Variants in SGCZ observed in about 807,000 individuals in gnomAD.
SGCZ encodes the protein zeta-sarcoglycan.
Under a neutral mutation model 41.3 loss-of-function variants are expected in SGCZ, and 40 were observed. The observed-to-expected ratio is 0.97, with a 90% CI of 0.75 to 1.26. The LOEUF (loss-of-function observed/expected upper bound fraction) is 1.26. Ranked by LOEUF, SGCZ falls within the 50% of genes most tolerant of loss-of-function variation. The pLI is 0.00. For missense variants in SGCZ, 552 were observed against 369.8 expected (o/e 1.49, Z -4.04); for synonymous variants, 206 against 137.5 (o/e 1.50, Z -3.49).
intron 3 of SGCZ, among the ~76,000 whole-genome samples, chr8:14,306,538 A>C (rs1198971761): frequency 1.3e-5 from 2 of 152,156 alleles, no homozygotes; most frequent in Non-Finnish European, 2.9e-5. Context: ...TTTTGATTCT[A>C]CTTCCCTGGT....
intron 1 of SGCZ, among the ~76,000 whole-genome samples, chr8:14,744,681 C>T (rs991830032): frequency 1.3e-5 from 2 of 152,090 alleles, no homozygotes; most frequent in African/African-American, 2.4e-5. Flanking sequence ...TTAATAGTAA[C>T]ACTTGCAGAA....
intron 2 of SGCZ, among the ~76,000 whole-genome samples, chr8:14,457,815 G>A (rs1800791570): frequency 6.6e-6 from 1 of 152,100 alleles, no homozygotes; most frequent in Non-Finnish European, 1.5e-5. Context: ...TTTTTACCCT[G>A]CCCCTTCTGC....
chr8:14,735,746 C>T (rs1386484237), intron 1 of SGCZ, among the ~76,000 whole-genome samples: 1 of 152,094 alleles, frequency 6.6e-6, no homozygotes, highest in African/African-American at 2.4e-5. Flanking sequence ...AGAATCCTGA[C>T]TGATACATAC....
At chr8:15,115,781 C>T (rs566267105) in intron 1 of SGCZ, among the ~76,000 whole-genome samples, 8 of 152,242 alleles carry the variant, frequency 5.3e-5, no homozygotes, top group African/African-American at 1.9e-4. Context: ...AACACATGTA[C>T]AATGTGTAAG....
At chr8:14,933,543 T>A (rs1370083842) in intron 1 of SGCZ, among the ~76,000 whole-genome samples, 1 of 149,380 alleles carries the variant, frequency 6.7e-6, no homozygotes, top group East Asian at 2.0e-4. Context: ...ACCATTCTCC[T>A]GCCTCAGCCT....
intron 2 of SGCZ, among the ~76,000 whole-genome samples, chr8:14,448,733 T>C (rs1299460126): frequency 6.6e-6 from 1 of 152,148 alleles, no homozygotes; most frequent in African/African-American, 2.4e-5. Flanking sequence ...TCAGTATAAC[T>C]CCATGATCGC....
intron 1 of SGCZ, among the ~76,000 whole-genome samples, chr8:14,904,709 C>A (rs1438226567): frequency 6.6e-6 from 1 of 151,984 alleles, no homozygotes; most frequent in Admixed American, 6.6e-5. Context: ...AAAATATTCT[C>A]TATCTATATT....
chr8:14,825,246 T>A (rs550954870), intron 1 of SGCZ, among the ~76,000 whole-genome samples: 7 of 152,142 alleles, frequency 4.6e-5, no homozygotes, highest in African/African-American at 4.8e-5. Context: ...ATCTGTGAAA[T>A]CCTTAGCAAG....
At chr8:14,631,364 T>C (rs1256504140) in intron 1 of SGCZ, among the ~76,000 whole-genome samples, 1 of 152,092 alleles carries the variant, frequency 6.6e-6, no homozygotes, top group Non-Finnish European at 1.5e-5. Context: ...AGTTGACTTG[T>C]ACTTACTCAC....
intron 2 of SGCZ, among the ~76,000 whole-genome samples, chr8:14,521,003 G>C (rs75112881): frequency 7.0e-4 from 107 of 152,108 alleles, no homozygotes; most frequent in Non-Finnish European, 1.1e-3. Flanking sequence ...TTTTTGTTTT[G>C]AAATTATTTT....
chr8:14,679,241 A>T (rs1808366947), intron 1 of SGCZ, among the ~76,000 whole-genome samples: 1 of 152,084 alleles, frequency 6.6e-6, no homozygotes, highest in Admixed American at 6.6e-5. Flanking sequence ...CATAAATTGT[A>T]TTATTATTTT....
intron 1 of SGCZ, among the ~76,000 whole-genome samples, chr8:14,753,821 A>T (rs1799571951): frequency 6.6e-6 from 1 of 152,198 alleles, no homozygotes; most frequent in African/African-American, 2.4e-5. Flanking sequence ...GGAGAAGCCC[A>T]GGGTGGACAA....
At chr8:14,309,578 G>C in intron 3 of SGCZ, 2 of 1,610,762 alleles carry the variant, frequency 1.2e-6, no homozygotes, top group South Asian at 1.1e-5. Flanking sequence ...ACAAGGAAAG[G>C]TTAGGACTTC....
chr8:14,711,595 C>A, intron 1 of SGCZ, among the ~76,000 whole-genome samples: 2 of 76,428 alleles, frequency 2.6e-5, no homozygotes, highest in East Asian at 3.7e-4. Flanking sequence ...GAGTGAGACT[C>A]TGTAAAAAAA....
At chr8:14,355,571 C>T (rs1275594592) in intron 2 of SGCZ, among the ~76,000 whole-genome samples, 3 of 151,806 alleles carry the variant, frequency 2.0e-5, no homozygotes, top group Non-Finnish European at 4.4e-5. Flanking sequence ...AACGTATATG[C>T]TCATTCTGCT....
chr8:14,913,251 G>A (rs1799330227), intron 1 of SGCZ, among the ~76,000 whole-genome samples: 1 of 152,038 alleles, frequency 6.6e-6, no homozygotes, highest in Non-Finnish European at 1.5e-5. Context: ...ATATTGAAAT[G>A]TAATTATATA....
At chr8:14,933,455 G>C (rs1164370169) in intron 1 of SGCZ, among the ~76,000 whole-genome samples, 2 of 125,486 alleles carry the variant, frequency 1.6e-5, no homozygotes, top group Non-Finnish European at 3.2e-5. Context: ...TTTTGGAGAC[G>C]GAGTCTCGCT....
intron 2 of SGCZ, among the ~76,000 whole-genome samples, chr8:14,364,096 T>C (rs981810103): frequency 2.0e-5 from 3 of 152,184 alleles, no homozygotes; most frequent in African/African-American, 7.2e-5. Context: ...TACATGGCTG[T>C]TCAAAATATA....
chr8:14,862,155 G>A (rs1304029441), intron 1 of SGCZ, among the ~76,000 whole-genome samples: 1 of 152,072 alleles, frequency 6.6e-6, no homozygotes, highest in African/African-American at 2.4e-5. Context: ...AATTAGTAAA[G>A]TTTTAAAGAG....
Sources: gnomAD v4.1 joint callset for allele counts (sites outside exome capture counted in the v4.1 genomes callset) on GRCh38, gnomAD v4.1.1 for gene constraint, MANE v1.5 for transcripts, NCBI Gene and HGNC (gene_info 2026-07-23, HGNC 2026-07-21) for gene names.